The following MED13L variants were observed in gnomAD, a reference collection of about 807,000 sequenced individuals.
MED13L encodes the protein mediator of RNA polymerase II transcription subunit 13-like.
In MED13L, 7 loss-of-function variants were observed where a neutral mutation model predicts 220.9. The observed-to-expected ratio is 0.03, with a 90% CI of 0.02 to 0.06. The LOEUF (loss-of-function observed/expected upper bound fraction) is 0.06. Ranked by LOEUF, MED13L falls within the 10% of genes least tolerant of loss-of-function variation. MED13L has a pLI of 1.00. For missense variants in MED13L, 1,965 were observed against 2,760.5 expected (o/e 0.71, Z 6.46); for synonymous variants, 1,011 against 1,015.2 (o/e 1.00, Z 0.08).
At chr12:116,227,297 C>T (rs192268085) in intron 2 of MED13L, among the ~76,000 whole-genome samples, 19 of 152,258 alleles carry the variant, frequency 1.2e-4, no homozygotes, top group East Asian at 9.7e-4. Flanking sequence ...AGATCTCTAA[C>T]GATAGCAGAT....
chr12:116,222,696 G>A (rs1328269137), intron 2 of MED13L, among the ~76,000 whole-genome samples: 1 of 152,280 alleles, frequency 6.6e-6, no homozygotes, highest in South Asian at 2.1e-4. Context: ...TGCAAGCATC[G>A]TTGGAGAAGA....
chr12:116,148,721 A>C (rs576308819), intron 2 of MED13L: 1 of 166,300 alleles, frequency 6.0e-6, no homozygotes, highest in African/African-American at 2.4e-5. Flanking sequence ...AGGAGAAATT[A>C]TTGGAATTTA....
chr12:116,257,891 C>G (rs867286872), intron 1 of MED13L, among the ~76,000 whole-genome samples: 1 of 150,392 alleles, frequency 6.6e-6, no homozygotes, highest in Non-Finnish European at 1.5e-5. Context: ...CAGTCTAAGA[C>G]AAAAAAAAAT....
intron 2 of MED13L, among the ~76,000 whole-genome samples, chr12:116,189,339 T>C (rs1303910245): frequency 6.6e-6 from 1 of 152,102 alleles, no homozygotes; most frequent in Non-Finnish European, 1.5e-5. Flanking sequence ...CATCTTCTAA[T>C]TGGACTAGTT....
chr12:116,045,979 T>G (rs1313515403), intron 4 of MED13L, among the ~76,000 whole-genome samples: 1 of 152,074 alleles, frequency 6.6e-6, no homozygotes, highest in Admixed American at 6.5e-5. Context: ...AAGTGACATT[T>G]CTAAGTCAAT....
At chr12:116,064,997 A>C (rs999957907) in intron 4 of MED13L, among the ~76,000 whole-genome samples, 2 of 152,216 alleles carry the variant, frequency 1.3e-5, no homozygotes, top group African/African-American at 4.8e-5. Context: ...GAAAAGCATC[A>C]CTAAGTGATT....
At chr12:116,031,068 A>T (rs2137489104) in intron 4 of MED13L, among the ~76,000 whole-genome samples, 1 of 152,296 alleles carries the variant, frequency 6.6e-6, no homozygotes, top group East Asian at 1.9e-4. Context: ...TTTCAGAAAA[A>T]AGTTCAATAA....
At position 116,151,599 on chromosome 12, in the gene MED13L, T is replaced by A. The variant is rs1316064265; in HGVS notation, c.311-40087A>T. ...TGAAACTGAGCAATAAGAAGTCACA[T>A]TACAATGGACCTAAAGGCAGGAATA... is the stretch of plus-strand genomic sequence containing the variant. On this transcript the variant is annotated intron_variant, in intron 2 of 30. Coordinates refer to ENST00000281928, the MANE Select transcript of MED13L (RefSeq NM_015335.5). Among the ~76,000 whole-genome samples, 3 of 152,276 alleles carry A rather than the reference T, an allele frequency of 2.0e-5. No homozygotes were observed. In the East Asian group the frequency reaches 5.8e-4, roughly 29 times the overall value.
intron 2 of MED13L, among the ~76,000 whole-genome samples, chr12:116,203,236 G>C (rs183152433): frequency 6.6e-6 from 1 of 152,006 alleles, no homozygotes; most frequent in African/African-American, 2.4e-5. Flanking sequence ...TGTAAGATTC[G>C]GTTTTACAAG....
intron 2 of MED13L, among the ~76,000 whole-genome samples, chr12:116,234,994 C>G (rs1869941453): frequency 6.6e-6 from 1 of 152,116 alleles, no homozygotes; most frequent in Admixed American, 6.6e-5. Flanking sequence ...TAAAATGACT[C>G]AAATATATTA....
Position 115,960,977 on chromosome 12 carries a change from AACC to A in MED13L, c.*286_*288del. ...TTCTGTTTCCCGCTGAAAAGCCATCAACCACCACCACTTCCTGGGGACCAGTGG... is the reference window on the plus strand; with the variant it reads ...TTCTGTTTCCCGCTGAAAAGCCATCAACCACCACTTCCTGGGGACCAGTGG... On this transcript the variant is annotated 3_prime_UTR_variant, in exon 31 of 31. Coordinates refer to ENST00000281928, the MANE Select transcript of MED13L (RefSeq NM_015335.5). The A allele has an allele frequency of 2.3e-6, 1 of 442,124 alleles. No individual in the cohort carries two copies. Among genetic ancestry groups the A allele is most frequent in the South Asian group, 2.1e-5 (1 of 47,542 alleles). The allele number at this position is 442,124 out of a possible 1,614,324, so 27.4% of individuals were successfully genotyped here.
intron 2 of MED13L, among the ~76,000 whole-genome samples, chr12:116,202,839 C>T (rs1383955849): frequency 1.3e-5 from 2 of 152,134 alleles, no homozygotes; most frequent in African/African-American, 4.8e-5. Context: ...AACTGCTTCT[C>T]ACAAAAGGCT....
intron 2 of MED13L, among the ~76,000 whole-genome samples, chr12:116,120,477 T>TCTCTCTCACACA (rs1257256737): frequency 2.5e-5 from 2 of 79,470 alleles, no homozygotes; most frequent in African/African-American, 1.0e-4. Flanking sequence ...TCTCTCTCTC[T>TCTCTCTCACACA]CACACACACA....
chr12:115,990,551 G>A (rs1425196489), intron 17 of MED13L, among the ~76,000 whole-genome samples: 1 of 152,154 alleles, frequency 6.6e-6, no homozygotes, highest in African/African-American at 2.4e-5. Flanking sequence ...TAACCACAAT[G>A]CAAAGTAAAA....
rs1273178363 is a variant in MED13L, at chr12:116,006,112, GTTAAAT to G, written c.2345-125_2345-120del. 5.5e-6 allele frequency: 8 copies of G among 1,444,784 alleles called. No homozygotes were observed. In the Admixed American group the frequency reaches 1.1e-4, roughly 21 times the overall value. The allele number at this position is 1,444,784 out of a possible 1,614,324, so 89.5% of individuals were successfully genotyped here. Reference sequence around the variant, plus strand: ...CTGTGAGTTTTTCCCTATGGTTTTAGTTAAATTTAGAGACAATTATTTCCAAATATG... The same window carrying G: ...CTGTGAGTTTTTCCCTATGGTTTTAGTTAGAGACAATTATTTCCAAATATG... On this transcript the variant is annotated intron_variant, in intron 12 of 30. Transcript: ENST00000281928.
chr12:116,057,770 A>G (rs2137617468), intron 4 of MED13L, among the ~76,000 whole-genome samples: 1 of 152,192 alleles, frequency 6.6e-6, no homozygotes, highest in East Asian at 1.9e-4. Context: ...CAGAGGTCAA[A>G]AAATGTGCTC....
Position 116,119,838 on chromosome 12 carries a change from A to AATATATATAT in MED13L, c.311-8336_311-8327dup, listed in dbSNP as rs1555213243. Among the ~76,000 whole-genome samples the AATATATATAT allele has an allele frequency of 3.8e-3, 119 of 31,576 alleles. 1 individual carries two copies. Among genetic ancestry groups the AATATATATAT allele is most frequent in the East Asian group, 0.011 (12 of 1,048 alleles). 20.7% of individuals were successfully genotyped at this position (31,576 alleles called of 152,430 possible). On this transcript the variant is annotated intron_variant, in intron 2 of 30. Coordinates refer to ENST00000281928, the MANE Select transcript of MED13L (RefSeq NM_015335.5). ...AAAAAAAAAAAAAAAAAAAAAAAAA[A>AATATATATAT]ATATATATATATATATATATATATG... is the stretch of plus-strand genomic sequence containing the variant.
At chr12:116,014,219 T>A (rs1299207396) in intron 8 of MED13L, among the ~76,000 whole-genome samples, 1 of 152,252 alleles carries the variant, frequency 6.6e-6, no homozygotes, top group Non-Finnish European at 1.5e-5. Context: ...AGGTTTTAAA[T>A]CTGTATAAAA....
At chr12:116,148,630 T>C (rs762061190) in intron 2 of MED13L, 37 of 179,888 alleles carry the variant, frequency 2.1e-4, no homozygotes, top group Non-Finnish European at 2.8e-4. Context: ...TATATATATA[T>C]ACGGAGCTAG....
Sources: allele counts gnomAD v4.1 joint callset (sites outside exome capture counted in the v4.1 genomes callset), GRCh38; gene constraint gnomAD v4.1.1; transcripts MANE v1.5; gene names NCBI Gene and HGNC (gene_info 2026-07-23, HGNC 2026-07-21).